PKM: variants seen among roughly 807,000 people sequenced by gnomAD.
PKM encodes pyruvate kinase PKM.
PKM carries 18 observed loss-of-function variants against 49.8 expected under a neutral mutation model. The observed-to-expected ratio is 0.36, with a 90% CI of 0.25 to 0.54. The LOEUF (loss-of-function observed/expected upper bound fraction) is 0.54, where lower values mean the gene tolerates loss of function less well. Among genes scored for constraint, PKM ranks in the 20% least tolerant of loss-of-function variants. PKM has a pLI of 0.89. For synonymous variants in PKM, 239 were observed against 261.8 expected, an observed-to-expected ratio of 0.91 and a Z score of 0.84; for missense variants, 508 against 713.8, an observed-to-expected ratio of 0.71 and a Z score of 3.28.
intron 8 of PKM, chr15:72,203,284 G>A: frequency 8.9e-7 from 1 of 1,126,018 alleles, no homozygotes. Flanking sequence ...GAATTTATCA[G>A]AGAGGAAGGT....
intron 1 of PKM, among the ~76,000 whole-genome samples, chr15:72,225,082 C>G (rs945163062): frequency 1.4e-5 from 2 of 142,590 alleles, no homozygotes; most frequent in Non-Finnish European, 3.0e-5. Context: ...CCACCAGGCC[C>G]GGCTAATTTT....
At chr15:72,211,677 C>T (rs2082256565) in intron 3 of PKM, among the ~76,000 whole-genome samples, 1 of 151,916 alleles carries the variant, frequency 6.6e-6, no homozygotes, top group South Asian at 2.1e-4. Flanking sequence ...ATTAACTGTG[C>T]ATGATGGTGC....
At chr15:72,218,728 T>A in intron 2 of PKM, among the ~76,000 whole-genome samples, 1 of 152,162 alleles carries the variant, frequency 6.6e-6, no homozygotes, top group South Asian at 2.1e-4. Flanking sequence ...CTTAGCAATT[T>A]TGAAATGTCT....
intron 3 of PKM, among the ~76,000 whole-genome samples, chr15:72,212,539 C>G (rs754718415): frequency 3.3e-5 from 5 of 151,596 alleles, no homozygotes; most frequent in Non-Finnish European, 7.4e-5. Flanking sequence ...ATAGGTGGTG[C>G]CTTTCCTTCA....
At chr15:72,228,578 C>T (rs1460163413) in intron 1 of PKM, 2 of 1,203,170 alleles carry the variant, frequency 1.7e-6, no homozygotes, top group Non-Finnish European at 2.2e-6. Flanking sequence ...CCCACTCACC[C>T]AGCGAAGATA....
Position 72,217,475 on chromosome 15 carries a change from C to T in PKM, c.180G>A (p.Thr60=), listed in dbSNP as rs747898479. The T allele has an allele frequency of 3.0e-5, 48 of 1,610,994 alleles. No individual in the cohort carries two copies. In the South Asian group the frequency reaches 4.3e-4, roughly 14 times the overall value. The change falls in exon 3 of 11, where the codon ACG becomes ACA. Residue 60 remains threonine (T), a synonymous_variant. Transcript: ENST00000335181. ...TTCCAGACTTAATCATCTCCTTCAA[C>T]GTCTCCACTGATCGGGAAGCTGGGC... ...TIGPASRSVE[T]LKEMIKSGMN...
At chr15:72,223,806 T>C (rs2082589800) in intron 1 of PKM, among the ~76,000 whole-genome samples, 1 of 151,900 alleles carries the variant, frequency 6.6e-6, no homozygotes, top group African/African-American at 2.4e-5. Flanking sequence ...ACCTGGGTCT[T>C]AAGCCCACAC....
chr15:72,221,096 CTCT>C, intron 1 of PKM: 1 of 835,806 alleles, frequency 1.2e-6, no homozygotes, highest in Non-Finnish European at 2.0e-6. Flanking sequence ...CATCAGCTGG[CTCT>C]TCTTAGACCT....
chr15:72,201,729 T>C (rs1350767171), intron 9 of PKM: 1 of 153,626 alleles, frequency 6.5e-6, no homozygotes, highest in African/African-American at 2.4e-5. Flanking sequence ...CCTGGTTCTC[T>C]GGGCTGCCCA....
intron 3 of PKM, among the ~76,000 whole-genome samples, chr15:72,214,901 G>A (rs1447188223): frequency 6.6e-6 from 1 of 152,062 alleles, no homozygotes; most frequent in Non-Finnish European, 1.5e-5. Flanking sequence ...AGTGAGGGCT[G>A]AAGACTAGTT....
intron 3 of PKM, among the ~76,000 whole-genome samples, chr15:72,214,758 G>A (rs1001857469): frequency 3.9e-5 from 6 of 152,136 alleles, no homozygotes; most frequent in African/African-American, 1.2e-4. Context: ...TCGTGCCACT[G>A]CACTCCAGCC....
chr15:72,222,299 C>G (rs937240884), intron 1 of PKM, among the ~76,000 whole-genome samples: 9 of 152,296 alleles, frequency 5.9e-5, no homozygotes, highest in Admixed American at 5.9e-4. Context: ...GCTCTCTACC[C>G]AGCCAGAGAC....
In PKM at chr15:72,199,564, A is replaced by C. The variant is rs1237454640; in HGVS notation, c.*86T>G. On this transcript the variant is annotated 3_prime_UTR_variant, in exon 11 of 11. Coordinates refer to ENST00000335181, the MANE Select transcript of PKM (RefSeq NM_002654.6). ...CTACCAGTGCCACGTTACAGCCCAGAGTGAGTTCTACAAGCGTTGCTGGCC... is the reference window on the plus strand; with the variant it reads ...CTACCAGTGCCACGTTACAGCCCAGCGTGAGTTCTACAAGCGTTGCTGGCC... The C allele has an allele frequency of 1.1e-6, 1 of 882,104 alleles. No individual in the cohort carries two copies. The highest frequency in any genetic ancestry group is 1.9e-5 in the Admixed American group (1 of 52,976). 54.6% of individuals were successfully genotyped at this position (882,104 alleles called of 1,614,324 possible).
chr15:72,208,702 T>C lies in PKM; in HGVS notation c.755A>G (p.His252Arg). ...CTCTCCCAGGACCTTCCTAACTTCA[T>C]GGACATCAGATGCCTTGCGGATGAA... ...ASFIRKASDV[H>R]EVRKVLGEKG... Residue 252 changes from histidine to arginine, a missense_variant, in exon 6 of 11, where the codon CAT becomes CGT. Coordinates refer to ENST00000335181, the MANE Select transcript of PKM (RefSeq NM_002654.6). 1.2e-6 allele frequency: 2 copies of C among 1,614,198 alleles called. No homozygotes were observed. The highest frequency in any genetic ancestry group is 1.1e-5 in the South Asian group (1 of 91,084).
intron 9 of PKM, chr15:72,201,506 C>T (rs149802947): frequency 3.3e-5 from 5 of 152,418 alleles, no homozygotes; most frequent in African/African-American, 7.2e-5. Context: ...GAAGTCCCTG[C>T]ACTTCACGCT....
At chr15:72,209,550 T>C (rs1275578057) in intron 5 of PKM, 123 bp downstream of exon 5, 3 of 812,240 alleles carry the variant, frequency 3.7e-6, no homozygotes, top group African/African-American at 1.7e-5. Context: ...ATAAAAGGGA[T>C]TCCTGAGAAC....
rs2082859465 is a variant in PKM at position 72,231,183 on chromosome 15, T to G, written c.-81A>C. 3.5e-6 allele frequency: 1 copy of G among 286,470 alleles called. No individual in the cohort carries two copies. Among genetic ancestry groups the G allele is most frequent in the South Asian group, 2.7e-5 (1 of 37,602 alleles). 17.7% of individuals were successfully genotyped at this position (286,470 alleles called of 1,614,324 possible). On this transcript the variant is annotated 5_prime_UTR_variant, in exon 1 of 11. Coordinates refer to ENST00000335181, the MANE Select transcript of PKM (RefSeq NM_002654.6). ...GATCCGGAGCCACGGCGCGTGCAGC[T>G]GCTGTGCAAGGAGCCACTGCCTCAG...
At chr15:72,215,499 G>T (rs1270440471) in intron 3 of PKM, among the ~76,000 whole-genome samples, 3 of 151,334 alleles carry the variant, frequency 2.0e-5, no homozygotes, top group African/African-American at 7.3e-5. Flanking sequence ...CACACAAGAG[G>T]GACATCTTTA....
intron 6 of PKM, among the ~76,000 whole-genome samples, chr15:72,208,302 A>G (rs1432473811): frequency 6.6e-6 from 1 of 152,110 alleles, no homozygotes; most frequent in African/African-American, 2.4e-5. Flanking sequence ...GTTTCTGATC[A>G]GGAACAGAAC....
Sources: gnomAD v4.1 joint callset for allele counts (sites outside exome capture counted in the v4.1 genomes callset) on GRCh38, gnomAD v4.1.1 for gene constraint, MANE v1.5 for transcripts, NCBI Gene and HGNC (gene_info 2026-07-23, HGNC 2026-07-21) for gene names.